The following DPCD variants were observed in gnomAD, a reference collection of about 807,000 sequenced individuals.
The protein encoded by DPCD is deleted in primary ciliary dyskinesia homolog (mouse).
Under a neutral mutation model 26.4 loss-of-function variants are expected in DPCD, and 20 were observed. That is an observed-to-expected ratio of 0.76 (90% CI 0.53 to 1.10). The LOEUF (loss-of-function observed/expected upper bound fraction) is 1.10, where lower values mean the gene tolerates loss of function less well. Among genes scored for constraint, DPCD ranks in the 50% least tolerant of loss-of-function variants. DPCD has a pLI of 0.00. For synonymous variants in DPCD, 97 were observed against 94.2 expected, an observed-to-expected ratio of 1.03 and a Z score of -0.17; for missense variants, 202 against 253.9, an observed-to-expected ratio of 0.80 and a Z score of 1.39.
rs773135428 is a variant in DPCD, at chr10:101,608,823, G to A, written c.405-12G>A. Reference sequence around the variant, plus strand: ...TGCCGAGTGCCCCAATGGCCTCTCGGTGTCCCCACAGGTACTACAAGAAGT... The same window carrying A: ...TGCCGAGTGCCCCAATGGCCTCTCGATGTCCCCACAGGTACTACAAGAAGT... On this transcript the variant is annotated splice_polypyrimidine_tract_variant and intron_variant, in intron 4 of 5. Transcript: ENST00000370151. 2.9e-5 allele frequency: 47 copies of A among 1,603,722 alleles called. No homozygotes were observed. The highest frequency in any genetic ancestry group is 4.0e-5 in the Non-Finnish European group (47 of 1,171,340).
At chr10:101,591,842 C>T (rs1036356153) in intron 1 of DPCD, among the ~76,000 whole-genome samples, 4 of 151,906 alleles carry the variant, frequency 2.6e-5, no homozygotes, top group Admixed American at 6.6e-5. Flanking sequence ...CCACCAAGCC[C>T]GGCTAATTTT....
At chr10:101,593,719 G>C (rs1189972170) in intron 1 of DPCD, among the ~76,000 whole-genome samples, 1 of 152,154 alleles carries the variant, frequency 6.6e-6, no homozygotes, top group Non-Finnish European at 1.5e-5. Flanking sequence ...CTCCTGAGTA[G>C]CTGGGACTAC....
intron 2 of DPCD, among the ~76,000 whole-genome samples, chr10:101,595,717 C>T (rs2063646802): frequency 6.6e-6 from 1 of 152,162 alleles, no homozygotes; most frequent in Non-Finnish European, 1.5e-5. Context: ...GTGTTGATCC[C>T]TCCTTATTAT....
chr10:101,589,564 C>CA (rs539107761), intron 1 of DPCD, among the ~76,000 whole-genome samples: 32 of 151,796 alleles, frequency 2.1e-4, no homozygotes, highest in Non-Finnish European at 4.3e-4. Flanking sequence ...GCAACATGGC[C>CA]AAACCTCATC....
rs1173368787 is a variant in DPCD at position 101,600,298 on chromosome 10, C to T, written c.146-440C>T. 6.6e-6 allele frequency among the ~76,000 whole-genome samples: 1 copy of T among 152,056 alleles called. No individual in the cohort carries two copies. Among genetic ancestry groups the T allele is most frequent in the East Asian group, 1.9e-4 (1 of 5,186 alleles). On this transcript the variant is annotated intron_variant, in intron 2 of 5. Transcript: ENST00000370151. This position sits in a 1 kb window ranked among gnomAD's most constrained non-coding sequence, Gnocchi z 4.7. ...ATACAGACCTGCCGAACAGCTTTCA[C>T]CCTCTTAATTATTTTTTCCTCTGCA...
intron 1 of DPCD, among the ~76,000 whole-genome samples, chr10:101,589,129 T>C (rs989357616): frequency 2.0e-5 from 3 of 152,202 alleles, no homozygotes; most frequent in African/African-American, 7.2e-5. Context: ...TTCCTGAGGC[T>C]TTCAAGATAA....
chr10:101,599,636 G>A (rs1037484978), intron 2 of DPCD, among the ~76,000 whole-genome samples: 11 of 152,314 alleles, frequency 7.2e-5, no homozygotes, highest in Middle Eastern at 3.4e-3. Flanking sequence ...TGCTCAAAAG[G>A]TCTAAAGTAA....
In DPCD at chr10:101,601,333, A is replaced by C. The variant is rs756317215; in HGVS notation, c.401A>C (p.Lys134Thr). The part of the protein sequence containing the change: ...ERCIIVRTTN[K>T]KYYKKFSIPD... ...TGCATCATTGTCAGAACAACCAACAAGAAGTGAGTAGCGTGGAAGGCACCC... is the reference window on the plus strand; with the variant it reads ...TGCATCATTGTCAGAACAACCAACACGAAGTGAGTAGCGTGGAAGGCACCC... The change falls in exon 4 of 6, where the codon AAG (lysine) becomes ACG (threonine). Residue 134 changes from lysine (K) to threonine (T), a missense_variant. By Grantham distance (78) the Lys-to-Thr change is moderately conservative. This residue lies in a region of DPCD where 118 missense variants were observed against 145.1 expected (regional missense o/e 0.81). Coordinates refer to ENST00000370151, the MANE Select transcript of DPCD (RefSeq NM_015448.3). 6.2e-7 allele frequency: 1 copy of C among 1,613,674 alleles called. No homozygotes were observed. Among genetic ancestry groups the C allele is most frequent in the Admixed American group, 1.7e-5 (1 of 59,994 alleles).
At chr10:101,601,465 G>C in intron 4 of DPCD, 129 bp downstream of exon 4, 1 of 298,008 alleles carries the variant, frequency 3.4e-6, no homozygotes, top group Non-Finnish European at 5.8e-6. Context: ...ACAGGTATTG[G>C]AAGGGCTTCC....
At chr10:101,588,872 G>A (rs1319964186) in intron 1 of DPCD, among the ~76,000 whole-genome samples, 2 of 152,198 alleles carry the variant, frequency 1.3e-5, no homozygotes, top group African/African-American at 4.8e-5. Context: ...AAAATGAAGT[G>A]GATGGACTAC....
At chr10:101,594,146 G>A (rs1470596885) in intron 1 of DPCD, among the ~76,000 whole-genome samples, 3 of 136,590 alleles carry the variant, frequency 2.2e-5, no homozygotes, top group African/African-American at 7.9e-5. Context: ...GGAGTGCTTG[G>A]TCAGGAAACC....
chr10:101,595,002 A>C (rs1458409988), intron 2 of DPCD, among the ~76,000 whole-genome samples: 1 of 152,172 alleles, frequency 6.6e-6, no homozygotes, highest in Non-Finnish European at 1.5e-5. Context: ...GTAGAGAAAC[A>C]GTTGGGAAAA....
chr10:101,594,435 A>G (rs1407451135), intron 1 of DPCD, among the ~76,000 whole-genome samples: 1 of 152,194 alleles, frequency 6.6e-6, no homozygotes, highest in Non-Finnish European at 1.5e-5. Context: ...GGTAGAGGAA[A>G]CAGCAGGGCA....
At chr10:101,594,806 C>T (rs1414782692) in intron 2 of DPCD, 68 bp downstream of exon 2, 5 of 1,456,698 alleles carry the variant, frequency 3.4e-6, no homozygotes, top group Non-Finnish European at 4.8e-6. Flanking sequence ...AATGAACACT[C>T]CTAGCCTTAG....
intron 1 of DPCD, among the ~76,000 whole-genome samples, chr10:101,592,818 A>G (rs1165956161): frequency 1.3e-5 from 2 of 152,130 alleles, no homozygotes; most frequent in Non-Finnish European, 2.9e-5. Context: ...GATTGAAACC[A>G]TCCTAGCCAA....
chr10:101,590,079 AAAG>A (rs1464169737), intron 1 of DPCD, among the ~76,000 whole-genome samples: 267 of 152,066 alleles, frequency 1.8e-3, no homozygotes, highest in African/African-American at 6.3e-3. Flanking sequence ...AAAAAAAAAA[AAAG>A]AATTAATAGG....
In DPCD at chr10:101,600,906, G is replaced by A. The variant is rs1408446619; in HGVS notation, c.270+44G>A. 1.9e-6 allele frequency: 3 copies of A among 1,610,460 alleles called. No homozygotes were observed. Among genetic ancestry groups the A allele is most frequent in the Middle Eastern group, 1.7e-4 (1 of 6,014 alleles). On this transcript the variant is annotated intron_variant, in intron 3 of 5. Coordinates refer to ENST00000370151, the MANE Select transcript of DPCD (RefSeq NM_015448.3). The surrounding 1 kb of genome is among the most constrained non-coding windows in gnomAD (Gnocchi z 4.7). ...GTGTCTTGCACGGACTGAGGTGGGG[G>A]TGGGCTGTGGGCTGCTGGCTCTTGA...
chr10:101,588,688 G>C, intron 1 of DPCD: 1 of 1,145,828 alleles, frequency 8.7e-7, no homozygotes, highest in East Asian at 4.8e-5. Flanking sequence ...CCTCACCACT[G>C]TCCTGAGAGG....
chr10:101,606,718 G>A (rs2063735516), intron 4 of DPCD, among the ~76,000 whole-genome samples: 2 of 152,164 alleles, frequency 1.3e-5, no homozygotes, highest in African/African-American at 4.8e-5. Flanking sequence ...GAGGCTGAAC[G>A]TTATGACCCT....
Sources: allele counts gnomAD v4.1 joint callset (sites outside exome capture counted in the v4.1 genomes callset), GRCh38; gene constraint gnomAD v4.1.1; regional missense constraint gnomAD v4.1.1; non-coding constraint Gnocchi (gnomAD v3.1); transcripts MANE v1.5; gene names NCBI Gene and HGNC (gene_info 2026-07-23, HGNC 2026-07-21).